Variants in NINJ1 observed in about 807,000 individuals in gnomAD.
NINJ1 encodes the protein ninjurin-1.
In NINJ1, 6 loss-of-function variants were observed where a neutral mutation model predicts 12.7. The observed-to-expected ratio is 0.47, with a 90% CI of 0.26 to 0.93. NINJ1 has a LOEUF of 0.93. Ranked by LOEUF, NINJ1 falls within the 40% of genes least tolerant of loss-of-function variation. The pLI, the probability that NINJ1 is intolerant of heterozygous loss-of-function variation, is 0.15. For synonymous variants in NINJ1, 100 were observed against 96.0 expected, an observed-to-expected ratio of 1.04 and a Z score of -0.25; for missense variants, 170 against 213.0, an observed-to-expected ratio of 0.80 and a Z score of 1.26.
chr9:93,132,212 G>A (rs1266668081), intron 1 of NINJ1, among the ~76,000 whole-genome samples: 2 of 152,246 alleles, frequency 1.3e-5, no homozygotes, highest in African/African-American at 2.4e-5. Context: ...GAACAGGTGT[G>A]TTGGGTGGTC....
At chr9:93,132,340 G>A (rs776886225) in intron 1 of NINJ1, among the ~76,000 whole-genome samples, 4 of 152,166 alleles carry the variant, frequency 2.6e-5, no homozygotes, top group South Asian at 2.1e-4. Context: ...ACACCAGACC[G>A]TGATCAGGCC....
At chr9:93,129,900 G>A (rs889053221) in intron 1 of NINJ1, among the ~76,000 whole-genome samples, 3 of 152,174 alleles carry the variant, frequency 2.0e-5, no homozygotes, top group Non-Finnish European at 4.4e-5. Context: ...CACCACACAG[G>A]AGGGTCCCAG....
intron 1 of NINJ1, among the ~76,000 whole-genome samples, chr9:93,128,805 A>G (rs1375517262): frequency 6.6e-6 from 1 of 152,208 alleles, no homozygotes; most frequent in African/African-American, 2.4e-5. Flanking sequence ...CTAGTCACAA[A>G]AGCACAGAAA....
chr9:93,130,345 G>A (rs1310909164), intron 1 of NINJ1, among the ~76,000 whole-genome samples: 1 of 152,220 alleles, frequency 6.6e-6, no homozygotes, highest in Non-Finnish European at 1.5e-5. Flanking sequence ...CAGGCAGGAG[G>A]GGCTGGCACA....
chr9:93,125,124 G>A (rs1827793378), intron 2 of NINJ1, 62 bp from the exon 3 acceptor site: 1 of 1,528,730 alleles, frequency 6.5e-7, no homozygotes, highest in African/African-American at 1.4e-5. Flanking sequence ...CCCAGCCTGG[G>A]ACAGTGGAAG....
intron 1 of NINJ1, among the ~76,000 whole-genome samples, chr9:93,127,414 A>AGG (rs1827829912): frequency 6.6e-6 from 1 of 152,140 alleles, no homozygotes; most frequent in Non-Finnish European, 1.5e-5. Context: ...GTTCTCTCGA[A>AGG]GCCCCCAATG....
At chr9:93,125,398 T>C (rs1279969055) in intron 2 of NINJ1, 7 of 184,052 alleles carry the variant, frequency 3.8e-5, no homozygotes, top group Middle Eastern at 2.3e-3. Context: ...AATCTAGTGA[T>C]TCCTGCCACA....
intron 1 of NINJ1, among the ~76,000 whole-genome samples, chr9:93,127,743 G>A (rs771324206): frequency 5.3e-5 from 8 of 152,182 alleles, no homozygotes; most frequent in Non-Finnish European, 1.2e-4. Context: ...CCCAGGACTG[G>A]TCACCTGCTT....
intron 1 of NINJ1, among the ~76,000 whole-genome samples, chr9:93,132,583 C>G (rs916193411): frequency 1.1e-4 from 17 of 152,254 alleles, no homozygotes; most frequent in African/African-American, 3.9e-4. Flanking sequence ...GCCCCGCCCC[C>G]CACGATGGGC....
chr9:93,133,520 G>T (rs1229547470), intron 1 of NINJ1, among the ~76,000 whole-genome samples: 1 of 152,236 alleles, frequency 6.6e-6, no homozygotes, highest in Non-Finnish European at 1.5e-5. Context: ...CTCCCAGGCC[G>T]GGCAGGGCAA....
chr9:93,126,593 AATGGTTCACGTTG>A lies in NINJ1; in HGVS notation c.108_120del (p.Asn37ThrfsTer17). 6.2e-7 allele frequency: 1 copy of A among 1,613,212 alleles called. No individual in the cohort carries two copies. Among genetic ancestry groups the A allele is most frequent in the Middle Eastern group, 1.7e-4 (1 of 6,056 alleles). On this transcript the variant is annotated frameshift_variant, in exon 2 of 4. Transcript: ENST00000375446. LOFTEE classifies it high-confidence loss of function. ...TCGGCTGCGCTCTTCTTGCTGGCGT[AATGGTTCACGTTG>A]ATGGGCCCGTGCCTCCAGCCCCAGC...
At chr9:93,128,623 G>C (rs1169243939) in intron 1 of NINJ1, among the ~76,000 whole-genome samples, 1 of 152,216 alleles carries the variant, frequency 6.6e-6, no homozygotes, top group Non-Finnish European at 1.5e-5. Flanking sequence ...GGCCACAGTG[G>C]GCATGTGCTC....
chr9:93,126,133 C>T, intron 2 of NINJ1: 1 of 473,084 alleles, frequency 2.1e-6, no homozygotes, highest in Non-Finnish European at 3.8e-6. Flanking sequence ...GGAGATGCAG[C>T]TTGCAGTGAG....
At chr9:93,126,836 A>T (rs1180944305) in intron 1 of NINJ1, among the ~76,000 whole-genome samples, 198 bp from the exon 2 acceptor site, 1 of 152,156 alleles carries the variant, frequency 6.6e-6, no homozygotes, top group African/African-American at 2.4e-5. Context: ...AACCTCCCCT[A>T]GGAATACGGT....
At chr9:93,126,310 A>C in intron 2 of NINJ1, 100 bp downstream of exon 2, 1 of 1,024,554 alleles carries the variant, frequency 9.8e-7, no homozygotes, top group Admixed American at 2.5e-5. Flanking sequence ...CAGCTCCTTG[A>C]GAGCCAAGTG....
At chr9:93,122,848 C>T (rs1318517944) in intron 3 of NINJ1, among the ~76,000 whole-genome samples, 1 of 152,206 alleles carries the variant, frequency 6.6e-6, no homozygotes. Context: ...ACCCTCTTCC[C>T]GGCAGGCAGA....
rs569242948 is a variant in NINJ1 at position 93,133,867 on chromosome 9, G to A, written c.75+276C>T. ...GAGGAGCTGCGCCGAGGCCCCCTCC[G>A]CCGTGCAGCCAAGCGCGGGCGCTGC... On this transcript the variant is annotated intron_variant, in intron 1 of 3. Coordinates refer to ENST00000375446, the MANE Select transcript of NINJ1 (RefSeq NM_004148.4). Among the ~76,000 whole-genome samples, 5 of 152,302 alleles carry A rather than the reference G, an allele frequency of 3.3e-5. No homozygotes were observed. The East Asian group carries it at 9.7e-4, about 30-fold the overall frequency.
intron 1 of NINJ1, among the ~76,000 whole-genome samples, chr9:93,133,151 G>C (rs114266207): frequency 0.027 from 4,133 of 152,178 alleles, 170 homozygotes; most frequent in African/African-American, 0.091. Context: ...TCTAACCTAG[G>C]AACAAGTGTC....
At chr9:93,131,810 G>C (rs745331212) in intron 1 of NINJ1, among the ~76,000 whole-genome samples, 1 of 152,218 alleles carries the variant, frequency 6.6e-6, no homozygotes, top group Non-Finnish European at 1.5e-5. Flanking sequence ...TGGCCCAACA[G>C]AGCCCACCCA....
Sources: gnomAD v4.1 joint callset for allele counts (sites outside exome capture counted in the v4.1 genomes callset) on GRCh38, gnomAD v4.1.1 for gene constraint, MANE v1.5 for transcripts, NCBI Gene and HGNC (gene_info 2026-07-23, HGNC 2026-07-21) for gene names.